The following DTNA variants were observed in gnomAD, a reference collection of about 807,000 sequenced individuals.
DTNA encodes the protein dystrobrevin alpha.
In DTNA, 43 loss-of-function variants were observed where a neutral mutation model predicts 100.7. The ratio of observed to expected loss-of-function variants is 0.43; its 90% CI spans 0.33 to 0.55. The LOEUF is 0.55. Ranked by LOEUF, DTNA falls within the 20% of genes least tolerant of loss-of-function variation. DTNA has a pLI of 0.04. For missense variants in DTNA, 798 were observed against 953.9 expected, an observed-to-expected ratio of 0.84 and a Z score of 2.15; for synonymous variants, 349 against 347.9, an observed-to-expected ratio of 1.00 and a Z score of -0.04.
At chr18:34,784,997 G>A (rs993934936) in intron 3 of DTNA, among the ~76,000 whole-genome samples, 4 of 150,512 alleles carry the variant, frequency 2.7e-5, no homozygotes, top group Non-Finnish European at 3.0e-5. Flanking sequence ...GCAGTGGTGC[G>A]ATCTTGGCCC....
intron 1 of DTNA, among the ~76,000 whole-genome samples, chr18:34,620,078 G>T (rs970699116): frequency 6.6e-6 from 1 of 152,176 alleles, no homozygotes; most frequent in African/African-American, 2.4e-5. Flanking sequence ...AACAAGATTG[G>T]TAAAGACAGA....
chr18:34,770,061 G>A (rs1202060920), intron 3 of DTNA, among the ~76,000 whole-genome samples: 2 of 152,146 alleles, frequency 1.3e-5, no homozygotes, highest in East Asian at 3.9e-4. Flanking sequence ...CACCATGAAA[G>A]TTCTGCCCTC....
intron 13 of DTNA, among the ~76,000 whole-genome samples, chr18:34,843,216 G>A (rs1311154455): frequency 6.6e-6 from 1 of 152,122 alleles, no homozygotes; most frequent in Non-Finnish European, 1.5e-5. Context: ...TAAAATAGAT[G>A]AAAAATTAAA....
chr18:34,531,260 T>C (rs1430922383), intron 1 of DTNA, among the ~76,000 whole-genome samples: 2 of 152,112 alleles, frequency 1.3e-5, no homozygotes, highest in Non-Finnish European at 2.9e-5. Context: ...TTGAGATAGG[T>C]AGAGGACTGA....
chr18:34,817,645 A>AT lies in DTNA; in HGVS notation c.710-513dup, dbSNP rs3837893. Among the ~76,000 whole-genome samples, 38 of 152,284 alleles carry AT rather than the reference A, an allele frequency of 2.5e-4. No homozygotes were observed. In the East Asian group the frequency reaches 4.8e-3, roughly 19 times the overall value. On this transcript the variant is annotated intron_variant, in intron 7 of 22. Transcript: ENST00000444659. ...CGTTAAGTAAGCCATTAGTCACTCTATTTTTTAAAAAATAACTTAATTATC... is the reference window on the plus strand; with the variant it reads ...CGTTAAGTAAGCCATTAGTCACTCTATTTTTTTAAAAAATAACTTAATTATC...
At chr18:34,817,227 A>G (rs946816557) in intron 7 of DTNA, among the ~76,000 whole-genome samples, 4 of 152,176 alleles carry the variant, frequency 2.6e-5, no homozygotes, top group African/African-American at 4.8e-5. Context: ...TTAGAAGACA[A>G]TGCGTCCAGA....
chr18:34,530,886 C>G (rs2043073151), intron 1 of DTNA, among the ~76,000 whole-genome samples: 1 of 152,116 alleles, frequency 6.6e-6, no homozygotes, highest in Non-Finnish European at 1.5e-5. Context: ...AAGAAAATAT[C>G]AGGGAATGCT....
intron 1 of DTNA, among the ~76,000 whole-genome samples, chr18:34,619,555 T>G (rs1240252802): frequency 6.6e-6 from 1 of 152,118 alleles, no homozygotes; most frequent in Non-Finnish European, 1.5e-5. Flanking sequence ...CAACATGATT[T>G]AAAGATTGGA....
chr18:34,646,037 T>TGA (rs2059796573), intron 1 of DTNA, among the ~76,000 whole-genome samples: 1 of 152,178 alleles, frequency 6.6e-6, no homozygotes, highest in African/African-American at 2.4e-5. Flanking sequence ...GCATATGTAC[T>TGA]CTCTTAGCTG....
At chr18:34,576,888 G>A (rs1210235542) in intron 1 of DTNA, among the ~76,000 whole-genome samples, 1 of 152,152 alleles carries the variant, frequency 6.6e-6, no homozygotes, top group African/African-American at 2.4e-5. Flanking sequence ...AACTTTGCTG[G>A]CGGTCAGCAA....
At chr18:34,821,474 A>G (rs113536693) in intron 9 of DTNA, 214 of 456,398 alleles carry the variant, frequency 4.7e-4, no homozygotes, top group African/African-American at 3.2e-3. Flanking sequence ...TCTTCAAAGT[A>G]TGTGTGAGTT....
intron 2 of DTNA, among the ~76,000 whole-genome samples, chr18:34,756,855 C>G (rs1237979313): frequency 2.6e-5 from 4 of 152,126 alleles, no homozygotes; most frequent in African/African-American, 2.4e-5. Context: ...GCATGGTTCT[C>G]TTCATGTCTT....
intron 3 of DTNA, among the ~76,000 whole-genome samples, chr18:34,772,942 C>T (rs2093856255): frequency 6.6e-6 from 1 of 152,186 alleles, no homozygotes; most frequent in Non-Finnish European, 1.5e-5. Flanking sequence ...AGGATTGGGG[C>T]CCCGTTTCCT....
At chr18:34,524,753 AT>A (rs369760157) in intron 1 of DTNA, among the ~76,000 whole-genome samples, 2,109 of 151,618 alleles carry the variant, frequency 0.014, 53 homozygotes, top group African/African-American at 0.049. Flanking sequence ...ACACAAGAGG[AT>A]TTTTTTTTAA....
chr18:34,690,966 G>A (rs1244603595), intron 1 of DTNA, among the ~76,000 whole-genome samples: 1 of 152,174 alleles, frequency 6.6e-6, no homozygotes, highest in African/African-American at 2.4e-5. Flanking sequence ...GTTCACAGAA[G>A]TTAAATAACC....
rs2145747815 is a variant in DTNA, at chr18:34,541,676, T to C, written c.-2+48162T>C. Among the ~76,000 whole-genome samples the C allele has an allele frequency of 2.6e-5, 4 of 152,174 alleles. 1 individual carries two copies. The Middle Eastern group carries it at 0.014, about 518-fold the overall frequency. ...TATTAGCAGTGTGAGAACAGACTAA[T>C]ACAGGAACATTCAGGAAATAGGTTA... On this transcript the variant is annotated intron_variant, in intron 1 of 19. Transcript: ENST00000283365.
intron 6 of DTNA, among the ~76,000 whole-genome samples, chr18:34,813,409 A>G (rs1315374921): frequency 6.6e-6 from 1 of 150,572 alleles, no homozygotes; most frequent in Non-Finnish European, 1.5e-5. Flanking sequence ...GCGCCACTGC[A>G]TTCCAGCCTG....
intron 1 of DTNA, among the ~76,000 whole-genome samples, chr18:34,554,009 A>C (rs1355201341): frequency 2.0e-5 from 3 of 147,492 alleles, no homozygotes; most frequent in Non-Finnish European, 4.5e-5. Context: ...CCTACCCATG[A>C]GCATGGAATG....
At chr18:34,595,947 T>C (rs2050510969) in intron 1 of DTNA, among the ~76,000 whole-genome samples, 2 of 152,082 alleles carry the variant, frequency 1.3e-5, no homozygotes, top group South Asian at 4.1e-4. Context: ...TAAAGGAGAG[T>C]ATGACCTTTC....
Sources: gnomAD v4.1 joint callset for allele counts (sites outside exome capture counted in the v4.1 genomes callset) on GRCh38, gnomAD v4.1.1 for gene constraint, MANE v1.5 for transcripts, NCBI Gene and HGNC (gene_info 2026-07-23, HGNC 2026-07-21) for gene names.